The following UQCC1 variants were observed in gnomAD, a reference collection of about 807,000 sequenced individuals.
The protein encoded by UQCC1 is bFGF-repressed Zic-binding protein.
Under a neutral mutation model 48.0 loss-of-function variants are expected in UQCC1, and 38 were observed. The observed-to-expected ratio is 0.79, with a 90% CI of 0.61 to 1.04. The LOEUF (loss-of-function observed/expected upper bound fraction) is 1.04, where lower values mean the gene tolerates loss of function less well. Among genes scored for constraint, UQCC1 ranks in the 50% least tolerant of loss-of-function variants. UQCC1 has a pLI of 0.00. For missense variants in UQCC1, 368 were observed against 381.8 expected (o/e 0.96, Z 0.30); for synonymous variants, 111 against 129.2 (o/e 0.86, Z 0.95).
chr20:35,327,327 T>A (rs1218654326), intron 7 of UQCC1, among the ~76,000 whole-genome samples: 1 of 152,228 alleles, frequency 6.6e-6, no homozygotes, highest in Non-Finnish European at 1.5e-5. Context: ...CACTGCTGTG[T>A]CCTAACTGCT....
chr20:35,331,226 C>G (rs2061253509), intron 7 of UQCC1, among the ~76,000 whole-genome samples: 1 of 152,054 alleles, frequency 6.6e-6, no homozygotes, highest in Admixed American at 6.6e-5. Context: ...GATTCCTAAC[C>G]CCAGCAGCTA....
intron 5 of UQCC1, among the ~76,000 whole-genome samples, chr20:35,370,185 A>T (rs568296434): frequency 3.2e-4 from 48 of 152,298 alleles, no homozygotes; most frequent in African/African-American, 1.1e-3. Context: ...GACCACTTTA[A>T]AAAGTACAAT....
At chr20:35,374,549 C>T (rs2061774570) in intron 4 of UQCC1, among the ~76,000 whole-genome samples, 2 of 152,188 alleles carry the variant, frequency 1.3e-5, no homozygotes, top group Admixed American at 1.3e-4. Context: ...CACATTTGTG[C>T]CTCTAAATCA....
Position 35,398,986 on chromosome 20 carries a change from G to A in UQCC1, c.25-4790C>T, listed in dbSNP as rs539233182. ...CTTCGCCAATCCTACAACAATTCTTGTCCAAATCCTTAATTGAAACCACTG... is the reference window on the plus strand; with the variant it reads ...CTTCGCCAATCCTACAACAATTCTTATCCAAATCCTTAATTGAAACCACTG... On this transcript the variant is annotated intron_variant, in intron 1 of 9. Coordinates refer to ENST00000374385, the MANE Select transcript of UQCC1 (RefSeq NM_018244.5). 2.8e-4 allele frequency among the ~76,000 whole-genome samples: 42 copies of A among 152,216 alleles called. 2 individuals are homozygous for A. In the South Asian group the frequency reaches 7.5e-3, roughly 27 times the overall value.
chr20:35,398,194 T>C (rs2062108927), intron 1 of UQCC1, among the ~76,000 whole-genome samples: 1 of 152,176 alleles, frequency 6.6e-6, no homozygotes, highest in African/African-American at 2.4e-5. Context: ...TAACACTATA[T>C]GACCTGGTCT....
chr20:35,327,696 T>G (rs1434038439), intron 7 of UQCC1, among the ~76,000 whole-genome samples: 1 of 152,080 alleles, frequency 6.6e-6, no homozygotes, highest in Non-Finnish European at 1.5e-5. Context: ...GGTTCAGATA[T>G]CCCTTAAAAT....
At chr20:35,393,848 C>T (rs1443254736) in intron 2 of UQCC1, among the ~76,000 whole-genome samples, 1 of 151,822 alleles carries the variant, frequency 6.6e-6, no homozygotes, top group Non-Finnish European at 1.5e-5. Context: ...GAAAAATTCC[C>T]TAACAGTAAA....
At chr20:35,353,005 T>G (rs2061506366) in intron 6 of UQCC1, among the ~76,000 whole-genome samples, 1 of 152,012 alleles carries the variant, frequency 6.6e-6, no homozygotes, top group African/African-American at 2.4e-5. Flanking sequence ...TAACAAAATT[T>G]TTAAAAGTAG....
intron 2 of UQCC1, among the ~76,000 whole-genome samples, chr20:35,390,474 G>C (rs2062000866): frequency 6.6e-6 from 1 of 151,634 alleles, no homozygotes; most frequent in Admixed American, 6.6e-5. Flanking sequence ...AGGGTGGGGA[G>C]AGAATTAGTG....
intron 7 of UQCC1, among the ~76,000 whole-genome samples, chr20:35,320,957 A>G (rs919479691): frequency 1.3e-5 from 2 of 152,246 alleles, no homozygotes; most frequent in African/African-American, 4.8e-5. Context: ...TTGCTGTAGT[A>G]GACAGTAATG....
At chr20:35,306,101 C>A (rs1384472014) in intron 9 of UQCC1, among the ~76,000 whole-genome samples, 1 of 152,174 alleles carries the variant, frequency 6.6e-6, no homozygotes, top group Admixed American at 6.5e-5. Context: ...AAGCAGCCCC[C>A]ACTGCGGAGC....
intron 6 of UQCC1, among the ~76,000 whole-genome samples, chr20:35,355,016 C>A (rs963129035): frequency 1.3e-5 from 2 of 151,922 alleles, no homozygotes; most frequent in African/African-American, 4.8e-5. Context: ...ACACTCACAC[C>A]CACACCCACT....
At chr20:35,389,535 C>T (rs1273064675) in intron 2 of UQCC1, among the ~76,000 whole-genome samples, 1 of 151,508 alleles carries the variant, frequency 6.6e-6, no homozygotes, top group African/African-American at 2.4e-5. Context: ...TGCACTCCAG[C>T]CTGAGTGAGA....
At chr20:35,327,771 G>T (rs1301921301) in intron 7 of UQCC1, among the ~76,000 whole-genome samples, 1 of 152,168 alleles carries the variant, frequency 6.6e-6, no homozygotes, top group East Asian at 1.9e-4. Context: ...GGAGGTTAAG[G>T]CAGGCAGATC....
chr20:35,304,667 C>T (rs576811733), intron 9 of UQCC1: 1 of 153,926 alleles, frequency 6.5e-6, no homozygotes, highest in Non-Finnish European at 1.4e-5. Context: ...TCTAGTGGGC[C>T]CCTGGTCAGT....
intron 6 of UQCC1, among the ~76,000 whole-genome samples, chr20:35,350,263 GATTATAGGC>G (rs2061476225): frequency 6.6e-6 from 1 of 152,126 alleles, no homozygotes; most frequent in African/African-American, 2.4e-5. Flanking sequence ...AAAGCCCTGG[GATTATAGGC>G]ATGAGCCACT....
chr20:35,303,668 A>AGT lies in UQCC1; in HGVS notation c.*265_*266dup. The AGT allele has an allele frequency of 2.1e-6, 1 of 479,054 alleles. No homozygotes were observed. The highest frequency in any genetic ancestry group is 3.8e-6 in the Non-Finnish European group (1 of 263,270). The allele number at this position is 479,054 out of a possible 1,614,324, so 29.7% of individuals were successfully genotyped here. On this transcript the variant is annotated 3_prime_UTR_variant, in exon 10 of 10. Coordinates refer to ENST00000374385, the MANE Select transcript of UQCC1 (RefSeq NM_018244.5). ...ATGTAGTTGCTGGAGGGGGTTGGGG[A>AGT]GTGTGTGCTGGGGGACTCTCACTCG...
intron 1 of UQCC1, among the ~76,000 whole-genome samples, chr20:35,407,220 G>A (rs2062264930): frequency 6.6e-6 from 1 of 152,154 alleles, no homozygotes; most frequent in African/African-American, 2.4e-5. Flanking sequence ...TTGAGGCCAG[G>A]AGTTTGAGAC....
intron 7 of UQCC1, among the ~76,000 whole-genome samples, chr20:35,320,068 G>A (rs992810224): frequency 2.6e-5 from 4 of 152,132 alleles, no homozygotes; most frequent in Admixed American, 2.6e-4. Flanking sequence ...GATACATCAT[G>A]CTGTCATCTA....
Sources: gnomAD v4.1 joint callset for allele counts (sites outside exome capture counted in the v4.1 genomes callset) on GRCh38, gnomAD v4.1.1 for gene constraint, MANE v1.5 for transcripts, NCBI Gene and HGNC (gene_info 2026-07-23, HGNC 2026-07-21) for gene names.